The following POU6F2 variants were observed in gnomAD, a reference collection of about 807,000 sequenced individuals.
The protein encoded by POU6F2 is POU domain, class 6, transcription factor 2.
POU6F2 carries 31 observed loss-of-function variants against 71.3 expected under a neutral mutation model. The ratio of observed to expected loss-of-function variants is 0.43; its 90% CI spans 0.33 to 0.59. The LOEUF (loss-of-function observed/expected upper bound fraction) is 0.59, where lower values mean the gene tolerates loss of function less well. POU6F2 is among the 20% of genes least tolerant of loss of function. POU6F2 has a pLI of 0.04. For synonymous variants in POU6F2, 347 were observed against 355.7 expected (o/e 0.98, Z 0.27); for missense variants, 783 against 856.8 (o/e 0.91, Z 1.07).
intron 1 of POU6F2, among the ~76,000 whole-genome samples, chr7:39,058,063 A>G (rs1341082880): frequency 6.6e-6 from 1 of 152,214 alleles, no homozygotes; most frequent in East Asian, 1.9e-4. Flanking sequence ...ACTCAAGTTA[A>G]TGTCTCTCCT....
intron 7 of POU6F2, among the ~76,000 whole-genome samples, chr7:39,443,069 C>A (rs1442623195): frequency 6.6e-6 from 1 of 152,162 alleles, no homozygotes; most frequent in Non-Finnish European, 1.5e-5. Context: ...CTCACAGGCC[C>A]AGACACACCT....
chr7:39,124,272 C>G (rs1450905137), intron 2 of POU6F2, among the ~76,000 whole-genome samples: 1 of 152,134 alleles, frequency 6.6e-6, no homozygotes, highest in Non-Finnish European at 1.5e-5. Flanking sequence ...GTCTCGAACT[C>G]CTGATCTTGT....
chr7:39,417,539 C>T (rs530332181), intron 6 of POU6F2, among the ~76,000 whole-genome samples: 1 of 152,122 alleles, frequency 6.6e-6, no homozygotes, highest in African/African-American at 2.4e-5. Flanking sequence ...AAGATGTCAT[C>T]AGGTGGAGGG....
At chr7:39,313,162 T>C (rs1054175095) in intron 4 of POU6F2, among the ~76,000 whole-genome samples, 15 of 152,036 alleles carry the variant, frequency 9.9e-5, no homozygotes, top group Non-Finnish European at 1.8e-4. Context: ...TCCAGCCCCA[T>C]CCCCGACTCC....
chr7:39,187,699 A>G (rs1793572389), intron 2 of POU6F2, among the ~76,000 whole-genome samples: 1 of 152,350 alleles, frequency 6.6e-6, no homozygotes, highest in Non-Finnish European at 1.5e-5. Flanking sequence ...AAAGATGAAC[A>G]TGAATGGAAA....
In POU6F2 at chr7:39,429,840, C is replaced by T. The variant is rs145141583; in HGVS notation, c.1114-3237C>T. 3.7e-3 allele frequency among the ~76,000 whole-genome samples: 561 copies of T among 152,318 alleles called. 4 individuals carry two copies. Among genetic ancestry groups the T allele is most frequent in the Non-Finnish European group, 6.2e-3 (425 of 68,030 alleles). ...CCTTGTCAAACCTCCATTTTCATTT[C>T]CTGATTTAGTTGAAACATATGTAGA... On this transcript the variant is annotated intron_variant, in intron 6 of 9. Coordinates refer to ENST00000518318, the MANE Select transcript of POU6F2 (RefSeq NM_001370959.1).
In POU6F2 at chr7:39,330,112, G is replaced by A. The variant is rs115125385; in HGVS notation, c.599-9530G>A. On this transcript the variant is annotated intron_variant, in intron 4 of 9. Transcript: ENST00000518318. ...CTCCCCAGGAGAATCACATTTAACC[G>A]TTTCTGGTTTTAGGCTTTATGAGTT... Among the ~76,000 whole-genome samples the A allele has an allele frequency of 4.2e-3, 644 of 152,198 alleles. 2 individuals carry two copies. Among genetic ancestry groups the A allele is most frequent in the African/African-American group, 0.015 (612 of 41,518 alleles).
At chr7:39,313,517 T>C (rs1258718956) in intron 4 of POU6F2, among the ~76,000 whole-genome samples, 1 of 152,174 alleles carries the variant, frequency 6.6e-6, no homozygotes, top group Non-Finnish European at 1.5e-5. Context: ...TTTTTCTTTA[T>C]TCCTACAATA....
At chr7:39,185,461 G>A (rs901787502) in intron 2 of POU6F2, among the ~76,000 whole-genome samples, 5 of 152,078 alleles carry the variant, frequency 3.3e-5, no homozygotes, top group African/African-American at 9.7e-5. Flanking sequence ...ACTTAAAACC[G>A]AAGTTTATGA....
At chr7:39,400,598 G>A (rs1317160673) in intron 5 of POU6F2, among the ~76,000 whole-genome samples, 1 of 152,158 alleles carries the variant, frequency 6.6e-6, no homozygotes, top group African/African-American at 2.4e-5. Flanking sequence ...GTGGGACAAC[G>A]CTGAGACCCT....
intron 2 of POU6F2, 43 bp downstream of exon 2, chr7:39,086,074 C>G (rs753263659): frequency 3.8e-6 from 6 of 1,584,242 alleles, no homozygotes; most frequent in Non-Finnish European, 4.3e-6. Context: ...ACCATGTTGT[C>G]CGGAAGAGCA....
chr7:39,089,915 T>A (rs954927362), intron 2 of POU6F2, among the ~76,000 whole-genome samples: 2 of 151,964 alleles, frequency 1.3e-5, no homozygotes, highest in African/African-American at 4.8e-5. Context: ...TTCCTTTAAG[T>A]CCCAGCTATC....
chr7:39,437,396 A>C (rs1788273769), intron 7 of POU6F2, among the ~76,000 whole-genome samples: 1 of 152,082 alleles, frequency 6.6e-6, no homozygotes, highest in South Asian at 2.1e-4. Context: ...TAGATTTTCT[A>C]GTTTATTTGT....
intron 8 of POU6F2, among the ~76,000 whole-genome samples, chr7:39,457,194 A>C (rs762151733): frequency 1.3e-5 from 2 of 152,174 alleles, no homozygotes; most frequent in Non-Finnish European, 2.9e-5. Flanking sequence ...ATTTACATAA[A>C]ATGTCAGCCC....
intron 4 of POU6F2, among the ~76,000 whole-genome samples, chr7:39,299,958 C>T: frequency 6.6e-6 from 1 of 152,206 alleles, no homozygotes; most frequent in African/African-American, 2.4e-5. Context: ...GCAGAGACTC[C>T]TTCTCAGCAT....
chr7:39,315,245 T>C (rs1785241213), intron 4 of POU6F2, among the ~76,000 whole-genome samples: 1 of 152,218 alleles, frequency 6.6e-6, no homozygotes, highest in South Asian at 2.1e-4. Flanking sequence ...AAACATCTCC[T>C]TAACATTTAC....
At position 39,007,853 on chromosome 7, in the gene POU6F2, A is replaced by G. The variant is rs1384630452; in HGVS notation, c.105+29795A>G. On this transcript the variant is annotated intron_variant, in intron 1 of 9. Coordinates refer to ENST00000518318, the MANE Select transcript of POU6F2 (RefSeq NM_001370959.1). Reference sequence around the variant, plus strand: ...CATCCATGTCCCTACAAAGGACATGAACTCATCATTTTTTATGGCTGCATA... The same window carrying G: ...CATCCATGTCCCTACAAAGGACATGGACTCATCATTTTTTATGGCTGCATA... Among the ~76,000 whole-genome samples the G allele has an allele frequency of 4.6e-5, 7 of 151,478 alleles. No homozygotes were observed. In the East Asian group the frequency reaches 1.4e-3, roughly 29 times the overall value.
At chr7:39,451,798 C>G in intron 8 of POU6F2, 97 bp downstream of exon 8, 1 of 1,376,976 alleles carries the variant, frequency 7.3e-7, no homozygotes, top group Non-Finnish European at 1.0e-6. Flanking sequence ...CTCTCTTGCT[C>G]TCTCTTTCTC....
In POU6F2 at chr7:39,277,279, G is replaced by A. The variant is rs1380818587; in HGVS notation, c.599-62363G>A. Among the ~76,000 whole-genome samples the A allele has an allele frequency of 5.9e-5, 9 of 151,890 alleles. No homozygotes were observed. In the East Asian group the frequency reaches 1.7e-3, roughly 29 times the overall value. On this transcript the variant is annotated intron_variant, in intron 4 of 9. Transcript: ENST00000518318. ...TTAAGTTTAAATTTTAGATTCAAGG[G>A]GTACATGTGCAGATTTGCTACATGG...
Sources: allele counts gnomAD v4.1 joint callset (sites outside exome capture counted in the v4.1 genomes callset), GRCh38; gene constraint gnomAD v4.1.1; transcripts MANE v1.5; gene names NCBI Gene and HGNC (gene_info 2026-07-23, HGNC 2026-07-21).